TMEM164: variants seen among roughly 807,000 people sequenced by gnomAD.
The protein encoded by TMEM164 is RP13-360B22.2.
A neutral mutation model predicts 18.8 loss-of-function variants in TMEM164; 4 were observed. That is an observed-to-expected ratio of 0.21 (90% confidence interval 0.10 to 0.49). TMEM164 has a LOEUF of 0.49. TMEM164 is among the 20% of genes least tolerant of loss of function. The pLI is 0.98. For synonymous variants in TMEM164, 86 were observed against 101.7 expected (o/e 0.85, Z 0.93); for missense variants, 108 against 239.9 (o/e 0.45, Z 3.63).
At chrX:110,169,821 C>T (rs184850402) in intron 5 of TMEM164, among the ~76,000 whole-genome samples, 1 of 111,790 alleles carries the variant, frequency 8.9e-6, no homozygotes, top group East Asian at 2.8e-4. Context: ...TTGGATGGAG[C>T]TGAGTGGTGG....
rs374116538 is a variant in TMEM164 at position 110,101,403 on chromosome X, A to G, written c.441-7677A>G. Among the ~76,000 whole-genome samples the G allele has an allele frequency of 4.5e-5, 5 of 110,996 alleles. No individual in the cohort carries two copies. The East Asian group carries it at 8.4e-4, about 19-fold the overall frequency. Reference sequence around the variant, plus strand: ...CCATTTCATCTAAGTGGTCAAATTTATGTGCATAGAGTTGGTTGGAGTATT... The same window carrying G: ...CCATTTCATCTAAGTGGTCAAATTTGTGTGCATAGAGTTGGTTGGAGTATT... On this transcript the variant is annotated intron_variant, in intron 3 of 6. Coordinates refer to ENST00000372068, the MANE Select transcript of TMEM164 (RefSeq NM_032227.4).
Position 110,036,897 on chromosome X carries a change from AT to A in TMEM164, c.391-30440del, listed in dbSNP as rs1254200842. On this transcript the variant is annotated intron_variant, in intron 2 of 6. Transcript: ENST00000372068. Reference sequence around the variant, plus strand: ...TGTGGTTACTGCAAATGAGGAACTGATTTTTTTTTTCATTTTACTAATTTTA... The same window carrying A: ...TGTGGTTACTGCAAATGAGGAACTGATTTTTTTTTCATTTTACTAATTTTA... Among the ~76,000 whole-genome samples, 14 of 108,850 alleles carry A rather than the reference AT, an allele frequency of 1.3e-4. No homozygotes were observed. In the South Asian group the frequency reaches 2.7e-3, roughly 21 times the overall value. The allele number at this position is 108,850 out of a possible 115,157, so 94.5% of individuals were successfully genotyped here.
chrX:110,033,797 A>C (rs1356693888), intron 2 of TMEM164, among the ~76,000 whole-genome samples: 1 of 111,526 alleles, frequency 9.0e-6, no homozygotes, highest in Non-Finnish European at 1.9e-5. Context: ...ACTTTTACCC[A>C]GTACCATCTT....
chrX:110,044,063 T>G (rs1185556125), intron 2 of TMEM164, among the ~76,000 whole-genome samples: 1 of 112,314 alleles, frequency 8.9e-6, no homozygotes, highest in East Asian at 2.8e-4. Flanking sequence ...AAACTACTGT[T>G]GGGTACCAAC....
intron 5 of TMEM164, among the ~76,000 whole-genome samples, chrX:110,154,041 G>A (rs751232680): frequency 3.2e-4 from 36 of 111,239 alleles, no homozygotes; most frequent in Non-Finnish European, 6.2e-4. Context: ...CCACAGATGC[G>A]GAACTTGCAG....
At chrX:110,103,812 T>G (rs1397156041) in intron 3 of TMEM164, among the ~76,000 whole-genome samples, 1 of 111,714 alleles carries the variant, frequency 9.0e-6, no homozygotes, top group Non-Finnish European at 1.9e-5. Context: ...TTCATCTGGA[T>G]CCCCTGGTGT....
chrX:110,167,919 G>A (rs190739124), intron 5 of TMEM164, among the ~76,000 whole-genome samples: 1 of 112,054 alleles, frequency 8.9e-6, no homozygotes, highest in Non-Finnish European at 1.9e-5. Flanking sequence ...ATCTCTGAGT[G>A]TTCCTTTCCC....
intron 2 of TMEM164, among the ~76,000 whole-genome samples, chrX:110,021,926 A>G (rs891683019): frequency 8.9e-6 from 1 of 111,794 alleles, no homozygotes; most frequent in Non-Finnish European, 1.9e-5. Flanking sequence ...TGGACCTGCT[A>G]AAGTTTGGGA....
chrX:110,177,959 C>T (rs777996317), downstream of TMEM164, among the ~76,000 whole-genome samples: 3 of 112,264 alleles, frequency 2.7e-5, no homozygotes, highest in East Asian at 8.4e-4. Context: ...CCCTTGAATT[C>T]CCACACATTG....
chrX:110,126,923 T>C (rs2066540915), intron 4 of TMEM164, among the ~76,000 whole-genome samples: 1 of 106,154 alleles, frequency 9.4e-6, no homozygotes, highest in African/African-American at 3.5e-5. Flanking sequence ...TATGACTGAT[T>C]GAAGAGAAGG....
chrX:110,030,407 A>G (rs1411225065), intron 2 of TMEM164, among the ~76,000 whole-genome samples: 2 of 105,077 alleles, frequency 1.9e-5, no homozygotes, highest in African/African-American at 7.0e-5. Flanking sequence ...GGCATGAGCC[A>G]TCGCATTCGG....
intron 5 of TMEM164, among the ~76,000 whole-genome samples, chrX:110,160,857 C>A (rs1306805332): frequency 8.9e-6 from 1 of 112,192 alleles, no homozygotes; most frequent in African/African-American, 3.2e-5. Context: ...TCTCATGCCT[C>A]AGCCTCCTGA....
At chrX:110,171,983 G>A (rs760883842) in intron 6 of TMEM164, among the ~76,000 whole-genome samples, 3 of 112,376 alleles carry the variant, frequency 2.7e-5, no homozygotes, top group African/African-American at 9.7e-5. Context: ...GCATTCTGGG[G>A]TGTTTAGAAC....
chrX:110,042,397 G>A (rs1332507517), intron 2 of TMEM164, among the ~76,000 whole-genome samples: 2 of 112,048 alleles, frequency 1.8e-5, no homozygotes, highest in South Asian at 3.6e-4. Flanking sequence ...TATATTGTAT[G>A]TATAGATCAC....
At chrX:110,163,618 AAG>A (rs1252125294) in intron 5 of TMEM164, among the ~76,000 whole-genome samples, 1 of 112,166 alleles carries the variant, frequency 8.9e-6, no homozygotes, top group Non-Finnish European at 1.9e-5. Context: ...CCAGATGGGG[AAG>A]TGAGGTCAAG....
intron 2 of TMEM164, among the ~76,000 whole-genome samples, chrX:110,037,230 A>C (rs905589802): frequency 1.8e-5 from 2 of 111,535 alleles, no homozygotes; most frequent in Non-Finnish European, 3.8e-5. Flanking sequence ...ATAAAGGCAG[A>C]GTACAATAAG....
At chrX:110,139,706 G>A (rs2066741622) in intron 4 of TMEM164, among the ~76,000 whole-genome samples, 2 of 111,706 alleles carry the variant, frequency 1.8e-5, no homozygotes, top group African/African-American at 3.3e-5. Flanking sequence ...AAAAGAGAGA[G>A]TGTGTCAGGA....
chrX:110,079,204 G>C (rs1212734702), intron 3 of TMEM164, among the ~76,000 whole-genome samples: 1 of 111,876 alleles, frequency 8.9e-6, no homozygotes, highest in Non-Finnish European at 1.9e-5. Flanking sequence ...TGTTTGATGA[G>C]AGGAATGAGC....
At chrX:110,027,776 AAAAT>A (rs1383335910) in intron 2 of TMEM164, among the ~76,000 whole-genome samples, 3 of 111,399 alleles carry the variant, frequency 2.7e-5, no homozygotes, top group African/African-American at 6.5e-5. Flanking sequence ...AATAAAAATA[AAAAT>A]AAATAAATAA....
Sources: allele counts gnomAD v4.1 joint callset (sites outside exome capture counted in the v4.1 genomes callset), GRCh38; gene constraint gnomAD v4.1.1; transcripts MANE v1.5; gene names NCBI Gene and HGNC (gene_info 2026-07-23, HGNC 2026-07-21).